FBXL20: variants seen among roughly 807,000 people sequenced by gnomAD.
FBXL20 encodes F-box/LRR-repeat protein 20.
In FBXL20, 11 loss-of-function variants were observed where a neutral mutation model predicts 64.0. That is an observed-to-expected ratio of 0.17 (90% CI 0.11 to 0.28). The LOEUF (loss-of-function observed/expected upper bound fraction) is 0.28, where lower values mean the gene tolerates loss of function less well. FBXL20 is among the 10% of genes least tolerant of loss of function. The pLI is 1.00. For synonymous variants in FBXL20, 184 were observed against 189.0 expected (o/e 0.97, Z 0.22); for missense variants, 303 against 526.2 (o/e 0.58, Z 4.15).
chr17:39,270,725 GTTC>G, intron 11 of FBXL20, 68 bp downstream of exon 11: 1 of 1,305,578 alleles, frequency 7.7e-7, no homozygotes, highest in Admixed American at 2.3e-5. Flanking sequence ...CTTGCTGCTT[GTTC>G]TTCTGAAATA....
upstream of FBXL20, chr17:39,402,444 G>T (rs1281801003): frequency 2.7e-6 from 1 of 376,456 alleles, no homozygotes; most frequent in East Asian, 3.8e-5. Flanking sequence ...GCCCGCCCTG[G>T]TCCGGGGATG....
chr17:39,299,909 C>A (rs2047119673), intron 4 of FBXL20, among the ~76,000 whole-genome samples: 1 of 151,824 alleles, frequency 6.6e-6, no homozygotes, highest in Non-Finnish European at 1.5e-5. Flanking sequence ...CAAGCCTGGC[C>A]AACATGGTGA....
At chr17:39,320,968 T>TA (rs1366565888) in intron 2 of FBXL20, among the ~76,000 whole-genome samples, 1 of 152,218 alleles carries the variant, frequency 6.6e-6, no homozygotes, top group Non-Finnish European at 1.5e-5. Flanking sequence ...TAAAAATCTT[T>TA]ATTTCATATT....
rs2046689499 is a variant in FBXL20 at position 39,255,746 on chromosome 17, G to T, written c.*5714C>A. On this transcript the variant is annotated 3_prime_UTR_variant, in exon 15 of 15. Coordinates refer to ENST00000264658, the MANE Select transcript of FBXL20 (RefSeq NM_032875.3). ...AATTCCAGCTACTCGGGAGGCTAAG[G>T]GAGGAGAATCGCTTGAACCCAAGAG... is the stretch of plus-strand genomic sequence containing the variant. The T allele has an allele frequency of 6.6e-6, 1 of 151,724 alleles. No individual in the cohort carries two copies. The highest frequency in any genetic ancestry group is 1.5e-5 in the Non-Finnish European group (1 of 67,894). The allele number at this position is 151,724 out of a possible 1,614,324, so 9.4% of individuals were successfully genotyped here.
chr17:39,374,035 A>C (rs966931836), intron 1 of FBXL20, among the ~76,000 whole-genome samples: 7 of 152,118 alleles, frequency 4.6e-5, no homozygotes, highest in Non-Finnish European at 7.4e-5. Flanking sequence ...AAGCCTGGCC[A>C]ACATGGCTAG....
intron 7 of FBXL20, among the ~76,000 whole-genome samples, chr17:39,284,619 A>T (rs1421094998): frequency 1.3e-5 from 2 of 152,074 alleles, no homozygotes; most frequent in East Asian, 3.9e-4. Flanking sequence ...CCTGAGCTCA[A>T]GCGATCCTCT....
At chr17:39,313,211 C>T (rs535872559) in intron 2 of FBXL20, among the ~76,000 whole-genome samples, 25 of 151,576 alleles carry the variant, frequency 1.6e-4, no homozygotes, top group African/African-American at 5.6e-4. Flanking sequence ...GCCACAGTGC[C>T]CGGCCATCTT....
At chr17:39,264,743 AT>A (rs998182815) in intron 13 of FBXL20, among the ~76,000 whole-genome samples, 11 of 152,334 alleles carry the variant, frequency 7.2e-5, no homozygotes, top group African/African-American at 2.4e-4. Flanking sequence ...GTTTTCTGGA[AT>A]TTGAACTAAA....
At chr17:39,308,089 G>A (rs535271241) in intron 2 of FBXL20, among the ~76,000 whole-genome samples, 1 of 151,924 alleles carries the variant, frequency 6.6e-6, no homozygotes, top group Admixed American at 6.6e-5. Flanking sequence ...TATAATCCTA[G>A]CACTCTGGGA....
At chr17:39,367,307 T>C (rs1163428822) in intron 1 of FBXL20, among the ~76,000 whole-genome samples, 2 of 151,702 alleles carry the variant, frequency 1.3e-5, no homozygotes, top group East Asian at 3.9e-4. Context: ...TCCTGGTTTA[T>C]CTTTTTCTTT....
rs2046712076 is a variant in FBXL20 at position 39,258,205 on chromosome 17, CTA to C, written c.*3253_*3254del. 1 of 152,082 alleles carries C rather than the reference CTA, an allele frequency of 6.6e-6. No homozygotes were observed. The highest frequency in any genetic ancestry group is 1.5e-5 in the Non-Finnish European group (1 of 68,010). 9.4% of individuals were successfully genotyped at this position (152,082 alleles called of 1,614,324 possible). A position where few individuals can be genotyped will look rare whatever the true frequency, so the allele number is the denominator to read the frequency against. On this transcript the variant is annotated 3_prime_UTR_variant, in exon 15 of 15. Coordinates refer to ENST00000264658, the MANE Select transcript of FBXL20 (RefSeq NM_032875.3). The stretch of plus-strand genomic sequence containing the variant: ...TAGCTTTTCCTGTAAAGAATTTTTC[CTA>C]CATTAAGCCTTACTGAATTTTCAAA...
At chr17:39,345,805 T>C (rs2047627593) in intron 1 of FBXL20, among the ~76,000 whole-genome samples, 1 of 152,114 alleles carries the variant, frequency 6.6e-6, no homozygotes, top group African/African-American at 2.4e-5. Flanking sequence ...TGTCCCAAAG[T>C]GCTAAGATTA....
chr17:39,373,226 C>T, intron 1 of FBXL20, among the ~76,000 whole-genome samples: 1 of 152,074 alleles, frequency 6.6e-6, no homozygotes, highest in South Asian at 2.1e-4. Context: ...ACTCCTGGCT[C>T]CTCTGTACTT....
At chr17:39,347,584 A>G (rs1315588816) in intron 1 of FBXL20, among the ~76,000 whole-genome samples, 1 of 151,972 alleles carries the variant, frequency 6.6e-6, no homozygotes, top group African/African-American at 2.4e-5. Flanking sequence ...TAGATTCTGG[A>G]TATTAGTCCT....
rs2047129068 is a variant in FBXL20, at chr17:39,300,991, A to G, written c.234+10T>C. On this transcript the variant is annotated intron_variant, in intron 4 of 14. Coordinates refer to ENST00000264658, the MANE Select transcript of FBXL20 (RefSeq NM_032875.3). ...CATGAAAACTGGGGCCACACACCACATAATTATACCTCAATATCCCTCTGG... is the reference window on the plus strand; with the variant it reads ...CATGAAAACTGGGGCCACACACCACGTAATTATACCTCAATATCCCTCTGG... 2 of 1,613,580 alleles carry G rather than the reference A, an allele frequency of 1.2e-6. No individual in the cohort carries two copies. The highest frequency in any genetic ancestry group is 1.3e-5 in the African/African-American group (1 of 75,002).
At chr17:39,284,469 C>T (rs920297421) in intron 7 of FBXL20, among the ~76,000 whole-genome samples, 2 of 152,200 alleles carry the variant, frequency 1.3e-5, no homozygotes, top group African/African-American at 4.8e-5. Flanking sequence ...CAGCCTCAAC[C>T]TGCTGGGCTC....
chr17:39,374,940 C>T (rs760588357), intron 1 of FBXL20, among the ~76,000 whole-genome samples: 14 of 152,240 alleles, frequency 9.2e-5, no homozygotes, highest in Admixed American at 3.3e-4. Flanking sequence ...GCGCGTGCCA[C>T]CACACCCAGC....
chr17:39,311,329 C>G (rs2144484950), intron 2 of FBXL20, among the ~76,000 whole-genome samples: 1 of 152,254 alleles, frequency 6.6e-6, no homozygotes, highest in East Asian at 1.9e-4. Flanking sequence ...TCCCTTCTTT[C>G]ATTACACTTT....
chr17:39,391,714 A>C (rs995459265), intron 1 of FBXL20, among the ~76,000 whole-genome samples: 7 of 152,212 alleles, frequency 4.6e-5, no homozygotes, highest in Non-Finnish European at 8.8e-5. Context: ...TCTGGTTCCA[A>C]AAAACAAGAT....
Sources: allele counts gnomAD v4.1 joint callset (sites outside exome capture counted in the v4.1 genomes callset), GRCh38; gene constraint gnomAD v4.1.1; transcripts MANE v1.5; gene names NCBI Gene and HGNC (gene_info 2026-07-23, HGNC 2026-07-21).